Variants in LGSN observed in about 807,000 individuals in gnomAD.
The protein encoded by LGSN is lengsin.
A neutral mutation model predicts 19.5 loss-of-function variants in LGSN; 21 were observed. The observed-to-expected ratio is 1.07, with a 90% CI of 0.76 to 1.55. LGSN has a LOEUF of 1.55. Among genes scored for constraint, LGSN ranks in the 40% most tolerant of loss-of-function variants. LGSN has a pLI of 0.00. For synonymous variants in LGSN, 257 were observed against 215.6 expected (o/e 1.19, Z -1.68); for missense variants, 673 against 608.5 (o/e 1.11, Z -1.12).
Position 63,279,575 on chromosome 6 carries a change from A to ATATTAGTATATTTG in LGSN, c.*432_*445dup, listed in dbSNP as rs1259620425. The ATATTAGTATATTTG allele has an allele frequency of 4.5e-5, 7 of 153,982 alleles. No homozygotes were observed. Among genetic ancestry groups the ATATTAGTATATTTG allele is most frequent in the African/African-American group, 1.7e-4 (7 of 41,468 alleles). 9.5% of individuals were successfully genotyped at this position (153,982 alleles called of 1,614,324 possible). On this transcript the variant is annotated 3_prime_UTR_variant, in exon 4 of 4. Transcript: ENST00000370657. ...ACAATATTATTTGATTAGCGAGACT[A>ATATTAGTATATTTG]TATTAGTATATTTGTCTCCCTGGAA...
the LGSN span, chr6:63,527,737 T>A: frequency 6.6e-6 from 1 of 152,220 alleles, no homozygotes; most frequent in African/African-American, 2.4e-5. Flanking sequence ...ATACATTGCA[T>A]GGTCTCTTGG....
chr6:63,557,267 T>G, the LGSN span, among the ~76,000 whole-genome samples: 4 of 152,088 alleles, frequency 2.6e-5, no homozygotes, highest in African/African-American at 9.7e-5. Context: ...AAAATTTAAT[T>G]TAAAAATTAA....
chr6:63,477,611 A>C, the LGSN span, among the ~76,000 whole-genome samples: 1 of 149,834 alleles, frequency 6.7e-6, no homozygotes, highest in Admixed American at 6.6e-5. Context: ...TTCGTCACAT[A>C]AATCACGTAA....
intron 2 of LGSN, among the ~76,000 whole-genome samples, chr6:63,286,378 A>T (rs1236859474): frequency 1.3e-5 from 2 of 152,212 alleles, no homozygotes; most frequent in Non-Finnish European, 2.9e-5. Flanking sequence ...GGAGATGAAA[A>T]GTCTGGACTG....
At chr6:63,531,164 T>A in the LGSN span, among the ~76,000 whole-genome samples, 42 of 152,276 alleles carry the variant, frequency 2.8e-4, no homozygotes, top group Non-Finnish European at 5.0e-4. Flanking sequence ...TTGGTGTCCA[T>A]CAAGATAACT....
chr6:63,405,594 T>C, the LGSN span, among the ~76,000 whole-genome samples: 1 of 152,320 alleles, frequency 6.6e-6, no homozygotes, highest in East Asian at 1.9e-4. Flanking sequence ...TTTGGCTGCA[T>C]AAATGTCTTC....
chr6:63,468,347 C>T, the LGSN span, among the ~76,000 whole-genome samples: 9 of 152,136 alleles, frequency 5.9e-5, no homozygotes, highest in East Asian at 1.4e-3. Context: ...AGGCTGGTCT[C>T]GAACTCCTGA....
the LGSN span, among the ~76,000 whole-genome samples, chr6:63,502,830 T>C: frequency 1.3e-5 from 2 of 152,178 alleles, no homozygotes; most frequent in Non-Finnish European, 2.9e-5. Flanking sequence ...CTGCATGCAA[T>C]ACTACAGACT....
At chr6:63,363,195 T>C in the LGSN span, among the ~76,000 whole-genome samples, 1 of 152,126 alleles carries the variant, frequency 6.6e-6, no homozygotes, top group Non-Finnish European at 1.5e-5. Flanking sequence ...CCCATCTGTA[T>C]GTCACCATCA....
At chr6:63,341,888 T>C in the LGSN span, among the ~76,000 whole-genome samples, 1 of 152,242 alleles carries the variant, frequency 6.6e-6, no homozygotes, top group Non-Finnish European at 1.5e-5. Context: ...CCAGCCTGTG[T>C]ACCTTATCTA....
chr6:63,512,221 T>C, the LGSN span, among the ~76,000 whole-genome samples: 1 of 152,132 alleles, frequency 6.6e-6, no homozygotes, highest in Non-Finnish European at 1.5e-5. Flanking sequence ...TAGCTGGGAT[T>C]ACAGGCATGT....
chr6:63,350,855 AAC>A, the LGSN span, among the ~76,000 whole-genome samples: 2 of 151,936 alleles, frequency 1.3e-5, no homozygotes, highest in African/African-American at 4.8e-5. Context: ...AAAAAAAAAA[AAC>A]AAACAAACAA....
chr6:63,540,425 A>G, the LGSN span, among the ~76,000 whole-genome samples: 1 of 152,110 alleles, frequency 6.6e-6, no homozygotes, highest in Admixed American at 6.6e-5. Context: ...GTTTGAGACC[A>G]GCCTGATCAA....
the LGSN span, among the ~76,000 whole-genome samples, chr6:63,525,261 C>T: frequency 6.6e-5 from 10 of 152,260 alleles, no homozygotes; most frequent in African/African-American, 2.2e-4. Context: ...GGATCAAACC[C>T]GCTCTTCCAT....
chr6:63,428,969 C>G, the LGSN span, among the ~76,000 whole-genome samples: 1 of 152,068 alleles, frequency 6.6e-6, no homozygotes, highest in Non-Finnish European at 1.5e-5. Context: ...CTGAGCTACC[C>G]AGGAGTTTGA....
the LGSN span, among the ~76,000 whole-genome samples, chr6:63,524,850 T>G: frequency 6.6e-6 from 1 of 152,254 alleles, no homozygotes; most frequent in South Asian, 2.1e-4. Flanking sequence ...TATATGTGAA[T>G]GCGAGATGTG....
At chr6:63,304,439 A>C (rs1768301441) in intron 1 of LGSN, among the ~76,000 whole-genome samples, 1 of 152,206 alleles carries the variant, frequency 6.6e-6, no homozygotes, top group Admixed American at 6.5e-5. Flanking sequence ...TAGATAATAA[A>C]ATTGCTCTAG....
At chr6:63,373,286 T>C in the LGSN span, among the ~76,000 whole-genome samples, 151 of 152,330 alleles carry the variant, frequency 9.9e-4, 1 homozygote, top group African/African-American at 3.4e-3. Context: ...ACATGATACA[T>C]GTTGATTACC....
chr6:63,280,739 A>G lies in LGSN; in HGVS notation c.812T>C (p.Leu271Pro). The G allele has an allele frequency of 4.3e-6, 7 of 1,614,184 alleles. No individual in the cohort carries two copies. The South Asian group carries it at 7.7e-5, about 18-fold the overall frequency. The change falls in exon 4 of 4, where the codon CTG becomes CCG. Residue 271 changes from leucine to proline, a missense_variant. By Grantham distance (98) the Leu-to-Pro change is moderately conservative (BLOSUM62 -3). Coordinates refer to ENST00000370657, the MANE Select transcript of LGSN (RefSeq NM_016571.3). Reference protein sequence around the residue: ...TRPGQMEISFLPEFGISSADN... With the variant: ...TRPGQMEISFPPEFGISSADN... ...AGCTGAGCTAATGCCAAATTCAGGC[A>G]GGAAAGAGATTTCCATCTGACCAGG...
Sources: gnomAD v4.1 joint callset for allele counts (sites outside exome capture counted in the v4.1 genomes callset) on GRCh38, gnomAD v4.1.1 for gene constraint, MANE v1.5 for transcripts, NCBI Gene and HGNC (gene_info 2026-07-23, HGNC 2026-07-21) for gene names.